Variants in QSOX2 observed in about 807,000 individuals in gnomAD.
The protein encoded by QSOX2 is sulfhydryl oxidase 2.
A neutral mutation model predicts 61.7 loss-of-function variants in QSOX2; 46 were observed. The observed-to-expected ratio is 0.75, with a 90% CI of 0.59 to 0.95. The LOEUF is 0.95. QSOX2 is among the 40% of genes least tolerant of loss of function. The probability of loss-of-function intolerance (pLI) is 0.00; values close to 1 mark genes in which losing one functional copy is unlikely to be tolerated. For missense variants in QSOX2, 879 were observed against 918.9 expected, an observed-to-expected ratio of 0.96 and a Z score of 0.56; for synonymous variants, 383 against 388.4, an observed-to-expected ratio of 0.99 and a Z score of 0.16.
rs148975046 is a variant in QSOX2 at position 136,218,501 on chromosome 9, C to T, written c.1086+178G>A. Among the ~76,000 whole-genome samples, 261 of 152,354 alleles carry T rather than the reference C, an allele frequency of 1.7e-3. 1 individual carries two copies. Among genetic ancestry groups the T allele is most frequent in the Admixed American group, 4.5e-3 (69 of 15,308 alleles). ...CCCCAGTGCTGGGAACAGCAGTGGA[C>T]GCAGGAGGCACTCGGGAAATGGGTG... On this transcript the variant is annotated intron_variant, in intron 8 of 11. Transcript: ENST00000358701.
At chr9:136,241,362 GT>G (rs1830432182) in intron 1 of QSOX2, among the ~76,000 whole-genome samples, 1 of 152,124 alleles carries the variant, frequency 6.6e-6, no homozygotes, top group Non-Finnish European at 1.5e-5. Flanking sequence ...GGCCCTTATT[GT>G]TTCTTTTTCC....
intron 6 of QSOX2, 94 bp from the exon 7 acceptor site, chr9:136,219,258 T>C: frequency 7.0e-7 from 1 of 1,437,078 alleles, no homozygotes; most frequent in Non-Finnish European, 9.3e-7. Context: ...GGGCCACCCC[T>C]TTCATCCTTT....
In QSOX2 at chr9:136,211,360, C is replaced by T; in HGVS notation, c.1453G>A (p.Glu485Lys). 1 of 1,614,244 alleles carries T rather than the reference C, an allele frequency of 6.2e-7. No individual in the cohort carries two copies. The highest frequency in any genetic ancestry group is 8.5e-7 in the Non-Finnish European group (1 of 1,180,042). The change falls in exon 11 of 12, where the codon GAA becomes AAA. Residue 485 changes from glutamate (E) to lysine (K), a missense_variant. By Grantham distance (56) the Glu-to-Lys change is moderately conservative (BLOSUM62 1). Coordinates refer to ENST00000358701, the MANE Select transcript of QSOX2 (RefSeq NM_181701.4). ...GAGTCCATGGATTCTTTAGCCATTTCCTCAAAGTGCTCACCACATTCCTTA... is the reference window on the plus strand; with the variant it reads ...GAGTCCATGGATTCTTTAGCCATTTTCTCAAAGTGCTCACCACATTCCTTA... The part of the protein sequence containing the change: ...GCKECGEHFE[E>K]MAKESMDSVK...
intron 1 of QSOX2, among the ~76,000 whole-genome samples, chr9:136,229,205 C>T (rs571409386): frequency 8.5e-5 from 13 of 152,240 alleles, no homozygotes; most frequent in East Asian, 1.9e-4. Flanking sequence ...GAGGGAGAAG[C>T]GACACGAGCT....
intron 2 of QSOX2, among the ~76,000 whole-genome samples, chr9:136,226,056 C>G (rs1050419504): frequency 6.6e-6 from 1 of 152,208 alleles, no homozygotes; most frequent in Non-Finnish European, 1.5e-5. Flanking sequence ...GTGAAAACAA[C>G]AGCCCCCAAA....
intron 11 of QSOX2, chr9:136,210,959 T>C: frequency 3.2e-6 from 3 of 947,562 alleles, no homozygotes; most frequent in Non-Finnish European, 3.8e-6. Flanking sequence ...CAAAAACATC[T>C]TCAGAGTCTA....
chr9:136,209,320 GT>G lies in QSOX2; in HGVS notation c.1550-46del. The G allele has an allele frequency of 1.9e-6, 3 of 1,573,140 alleles. No homozygotes were observed. The highest frequency in any genetic ancestry group is 2.6e-6 in the Non-Finnish European group (3 of 1,157,332). Reference sequence around the variant, plus strand: ...GGAGAGCCAGAGGGAAGGAGGCTTTGTGCAGCCACGTGCAGCGTGCGGCAAC... The same window carrying G: ...GGAGAGCCAGAGGGAAGGAGGCTTTGGCAGCCACGTGCAGCGTGCGGCAAC... On this transcript the variant is annotated intron_variant, in intron 11 of 11. Transcript: ENST00000358701. The surrounding 1 kb of genome is among the most constrained non-coding windows in gnomAD (Gnocchi z 5.6).
intron 6 of QSOX2, among the ~76,000 whole-genome samples, chr9:136,220,943 A>T (rs909192241): frequency 1.3e-5 from 2 of 152,170 alleles, no homozygotes; most frequent in African/African-American, 4.8e-5. Flanking sequence ...CCTAGACTCA[A>T]ATGATTCACC....
At chr9:136,232,870 G>A (rs565760787) in intron 1 of QSOX2, among the ~76,000 whole-genome samples, 14 of 136,650 alleles carry the variant, frequency 1.0e-4, no homozygotes, top group African/African-American at 3.7e-4. Context: ...GCGGTGAGCC[G>A]AGATTGCACC....
At chr9:136,239,677 C>T (rs1457464135) in intron 1 of QSOX2, among the ~76,000 whole-genome samples, 4 of 152,260 alleles carry the variant, frequency 2.6e-5, no homozygotes, top group South Asian at 4.1e-4. Context: ...AGTAGAGCTA[C>T]GCTCCCAACA....
At position 136,231,306 on chromosome 9, in the gene QSOX2, G is replaced by A. The variant is rs1216424087; in HGVS notation, c.329-4432C>T. On this transcript the variant is annotated intron_variant, in intron 1 of 11. Transcript: ENST00000358701. ...ACGCCCCCATCCTACCGTGGCGAAT[G>A]AAGACTCCCCGTCACGCAGGTGACA... 2.0e-5 allele frequency among the ~76,000 whole-genome samples: 3 copies of A among 152,214 alleles called. 1 individual carries two copies. The highest frequency in any genetic ancestry group is 4.1e-4 in the South Asian group (2 of 4,834).
Position 136,245,491 on chromosome 9 carries a change from C to T in QSOX2, c.313G>A (p.Ala105Thr). 2 of 1,592,388 alleles carry T rather than the reference C, an allele frequency of 1.3e-6. No homozygotes were observed. The highest frequency in any genetic ancestry group is 8.5e-7 in the Non-Finnish European group (1 of 1,176,808). ...IGYAPTWRAL[A>T]GDVRDWASAI... ...CGCGCCTCACCTCGCACATCCCCAG[C>T]CAGGGCCCGCCAAGTGGGCGCGTAG... Residue 105 changes from alanine to threonine, a missense_variant, in exon 1 of 12, where the codon GCT (alanine) becomes ACT (threonine). Transcript: ENST00000358701.
intron 9 of QSOX2, 127 bp downstream of exon 9, chr9:136,216,473 A>C: frequency 7.8e-7 from 1 of 1,279,826 alleles, no homozygotes; most frequent in Non-Finnish European, 1.1e-6. Context: ...TGGAGACAGT[A>C]AGTCACTGCT....
chr9:136,211,012 C>T (rs948373613), intron 11 of QSOX2: 10 of 627,712 alleles, frequency 1.6e-5, no homozygotes, highest in Non-Finnish European at 2.0e-5. Context: ...AAGAGCCACA[C>T]CCATTTCCAC....
chr9:136,227,167 C>T (rs1032553759), intron 1 of QSOX2, among the ~76,000 whole-genome samples: 1 of 152,232 alleles, frequency 6.6e-6, no homozygotes, highest in African/African-American at 2.4e-5. Context: ...TTAAATGACA[C>T]CCTGATGGAT....
chr9:136,218,278 C>T (rs1311134069), intron 8 of QSOX2, among the ~76,000 whole-genome samples: 1 of 151,902 alleles, frequency 6.6e-6, no homozygotes, highest in Non-Finnish European at 1.5e-5. Flanking sequence ...CAGATGCACA[C>T]CCCACCTGGA....
rs865979028 is a variant in QSOX2 at position 136,240,826 on chromosome 9, G to A, written c.328+4650C>T. Among the ~76,000 whole-genome samples the A allele has an allele frequency of 6.6e-5, 10 of 152,288 alleles. No homozygotes were observed. The South Asian group carries it at 8.3e-4, about 13-fold the overall frequency. Reference sequence around the variant, plus strand: ...CAATTCTGGTAAACCAAAACTACACGTTCTTCAGCCTCGAAGGGTGCTCCG... The same window carrying A: ...CAATTCTGGTAAACCAAAACTACACATTCTTCAGCCTCGAAGGGTGCTCCG... On this transcript the variant is annotated intron_variant, in intron 1 of 11. Transcript: ENST00000358701.
intron 9 of QSOX2, 117 bp downstream of exon 9, chr9:136,216,483 T>C: frequency 7.2e-7 from 1 of 1,391,822 alleles, no homozygotes; most frequent in Non-Finnish European, 9.9e-7. Context: ...AAGTCACTGC[T>C]CCCCTTCCTC....
chr9:136,245,362 G>T, intron 1 of QSOX2, 114 bp downstream of exon 1: 1 of 877,516 alleles, frequency 1.1e-6, no homozygotes, highest in Non-Finnish European at 1.7e-6. Flanking sequence ...TCTGCGGTAA[G>T]GAAAGAAATA....
Sources: gnomAD v4.1 joint callset for allele counts (sites outside exome capture counted in the v4.1 genomes callset) on GRCh38, gnomAD v4.1.1 for gene constraint, Gnocchi (gnomAD v3.1) non-coding constraint, MANE v1.5 for transcripts, NCBI Gene and HGNC (gene_info 2026-07-23, HGNC 2026-07-21) for gene names.